The following CTDSPL variants were observed in gnomAD, a reference collection of about 807,000 sequenced individuals.
The protein encoded by CTDSPL is CTD small phosphatase like.
CTDSPL carries 8 observed loss-of-function variants against 30.5 expected under a neutral mutation model. The observed-to-expected ratio is 0.26, with a 90% CI of 0.15 to 0.47. The LOEUF (loss-of-function observed/expected upper bound fraction) is 0.47. CTDSPL is among the 20% of genes least tolerant of loss of function. The pLI, the probability that CTDSPL is intolerant of heterozygous loss-of-function variation, is 0.99. For missense variants in CTDSPL, 248 were observed against 366.1 expected, an observed-to-expected ratio of 0.68 and a Z score of 2.63; for synonymous variants, 110 against 137.9, an observed-to-expected ratio of 0.80 and a Z score of 1.42.
intron 2 of CTDSPL, among the ~76,000 whole-genome samples, chr3:37,953,607 A>G (rs1699135001): frequency 6.6e-6 from 1 of 152,240 alleles, no homozygotes; most frequent in African/African-American, 2.4e-5. Context: ...GATCAAGCAG[A>G]AAGCAAGAGT....
chr3:37,885,205 TG>T (rs2125593963), intron 1 of CTDSPL, among the ~76,000 whole-genome samples: 1 of 152,262 alleles, frequency 6.6e-6, no homozygotes, highest in South Asian at 2.1e-4. Context: ...AGTTGGAATA[TG>T]GGTATCCAAG....
chr3:37,918,777 A>G (rs940489189), intron 1 of CTDSPL, among the ~76,000 whole-genome samples: 7 of 152,142 alleles, frequency 4.6e-5, no homozygotes, highest in Non-Finnish European at 8.8e-5. Flanking sequence ...CTTGGAAACA[A>G]TTTGATTCCT....
chr3:37,954,094 A>T (rs1699140544), intron 2 of CTDSPL, among the ~76,000 whole-genome samples: 1 of 152,230 alleles, frequency 6.6e-6, no homozygotes, highest in South Asian at 2.1e-4. Context: ...AAAGAAAATA[A>T]GGAAGACAGC....
chr3:37,913,425 C>A (rs1391177995), intron 1 of CTDSPL, among the ~76,000 whole-genome samples: 1 of 152,196 alleles, frequency 6.6e-6, no homozygotes, highest in Non-Finnish European at 1.5e-5. Flanking sequence ...TGGCCATGAC[C>A]TCTATATTCA....
intron 6 of CTDSPL, among the ~76,000 whole-genome samples, chr3:37,974,152 C>A (rs571787944): frequency 2.7e-4 from 41 of 152,346 alleles, no homozygotes; most frequent in Admixed American, 1.9e-3. Context: ...AGATGGGATA[C>A]CCCTGATCTG....
Position 37,975,781 on chromosome 3 carries a change from G to GTTT in CTDSPL, c.595_597dup (p.Phe199dup). The GTTT allele has an allele frequency of 6.2e-7, 1 of 1,614,124 alleles. No homozygotes were observed. Among genetic ancestry groups the GTTT allele is most frequent in the East Asian group, 2.2e-5 (1 of 44,878 alleles). On this transcript the variant is annotated inframe_insertion, in exon 7 of 8. Coordinates refer to ENST00000273179, the MANE Select transcript of CTDSPL (RefSeq NM_001008392.2). The surrounding 1 kb of genome is among the most constrained non-coding windows in gnomAD (Gnocchi z 4.9). ...GGCCCGGCTCTTCAGAGAATCATGT[G>GTTT]TTTTTCATCGTGGGAACTACGTGAA... is the stretch of plus-strand genomic sequence containing the variant.
At chr3:37,952,905 G>A (rs1018682380) in intron 2 of CTDSPL, among the ~76,000 whole-genome samples, 2 of 152,170 alleles carry the variant, frequency 1.3e-5, no homozygotes, top group African/African-American at 4.8e-5. Flanking sequence ...TCTTTATAAT[G>A]GGTTGGCTGA....
At chr3:37,904,384 G>A (rs944232861) in intron 1 of CTDSPL, among the ~76,000 whole-genome samples, 6 of 152,148 alleles carry the variant, frequency 3.9e-5, no homozygotes, top group African/African-American at 1.4e-4. Flanking sequence ...CCCGCCCAGT[G>A]GATGGAAGAC....
rs573701186 is a variant in CTDSPL, at chr3:37,907,459, G to C, written c.80-39598G>C. On this transcript the variant is annotated intron_variant, in intron 1 of 7. Coordinates refer to ENST00000273179, the MANE Select transcript of CTDSPL (RefSeq NM_001008392.2). ...TAAGGAAAAAATTAAGAGACTTAAA[G>C]AACTTGAGTCTTGTTCATTTGACAC... Among the ~76,000 whole-genome samples, 3 of 152,274 alleles carry C rather than the reference G, an allele frequency of 2.0e-5. No homozygotes were observed. The South Asian group carries it at 6.2e-4, about 32-fold the overall frequency.
In CTDSPL at chr3:37,862,322, A is replaced by G. The variant is rs1697951529; in HGVS notation, c.79+44A>G. ...GGCCGCGGGCTGGGGGCGAGCGCAC[A>G]CCCCGCGCCGCTGGAGTTCACTGCC... On this transcript the variant is annotated intron_variant, in intron 1 of 7. Transcript: ENST00000273179. The surrounding 1 kb of genome is among the most constrained non-coding windows in gnomAD (Gnocchi z 4.3). 39 of 1,403,122 alleles carry G rather than the reference A, an allele frequency of 2.8e-5. No homozygotes were observed. Among genetic ancestry groups the G allele is most frequent in the Non-Finnish European group, 3.5e-5 (38 of 1,073,066 alleles). The allele number at this position is 1,403,122 out of a possible 1,614,324, so 86.9% of individuals were successfully genotyped here. A position where few individuals can be genotyped will look rare whatever the true frequency, so the allele number is the denominator to read the frequency against.
chr3:37,933,083 G>A (rs111998223), intron 1 of CTDSPL, among the ~76,000 whole-genome samples: 9,705 of 151,360 alleles, frequency 0.064, 410 homozygotes, highest in Middle Eastern at 0.13. Context: ...AACCTGGGAG[G>A]TGGAGGTTGT....
At chr3:37,976,991 G>T (rs1229390450) in intron 7 of CTDSPL, among the ~76,000 whole-genome samples, 1 of 152,026 alleles carries the variant, frequency 6.6e-6, no homozygotes, top group Non-Finnish European at 1.5e-5. Flanking sequence ...AGCCTGCAAA[G>T]TCCTTTCCTT....
chr3:37,881,981 A>C (rs1000883179), intron 1 of CTDSPL, among the ~76,000 whole-genome samples: 1 of 152,120 alleles, frequency 6.6e-6, no homozygotes, highest in Non-Finnish European at 1.5e-5. Context: ...TATAATTGTG[A>C]TATTTATTCT....
At chr3:37,928,546 C>T (rs1698812823) in intron 1 of CTDSPL, among the ~76,000 whole-genome samples, 1 of 152,150 alleles carries the variant, frequency 6.6e-6, no homozygotes, top group African/African-American at 2.4e-5. Flanking sequence ...AATATCTATG[C>T]CAGTCCTTTG....
chr3:37,895,080 A>G (rs1698375824), intron 1 of CTDSPL, among the ~76,000 whole-genome samples: 1 of 152,018 alleles, frequency 6.6e-6, no homozygotes, highest in Non-Finnish European at 1.5e-5. Context: ...GCATTTTCCT[A>G]TTTATTTGTA....
chr3:37,862,831 C>A lies in CTDSPL; in HGVS notation c.79+553C>A, dbSNP rs1336177614. ...AGCATGAGCCTGGAGAGGTTCTATGCCTGTTCACTCCTGACAGAGTTTGTG... is the reference window on the plus strand; with the variant it reads ...AGCATGAGCCTGGAGAGGTTCTATGACTGTTCACTCCTGACAGAGTTTGTG... On this transcript the variant is annotated intron_variant, in intron 1 of 7. Coordinates refer to ENST00000273179, the MANE Select transcript of CTDSPL (RefSeq NM_001008392.2). The surrounding 1 kb of genome is among the most constrained non-coding windows in gnomAD (Gnocchi z 4.3). 1.3e-5 allele frequency among the ~76,000 whole-genome samples: 2 copies of A among 152,082 alleles called. No homozygotes were observed. The highest frequency in any genetic ancestry group is 4.8e-5 in the African/African-American group (2 of 41,392).
At chr3:37,910,826 A>G (rs1212226704) in intron 1 of CTDSPL, among the ~76,000 whole-genome samples, 1 of 152,158 alleles carries the variant, frequency 6.6e-6, no homozygotes, top group Non-Finnish European at 1.5e-5. Context: ...GGTGGGTGCC[A>G]TGGGGTGATG....
chr3:37,912,552 G>A (rs1698595958), intron 1 of CTDSPL, among the ~76,000 whole-genome samples: 1 of 152,196 alleles, frequency 6.6e-6, no homozygotes. Flanking sequence ...GGCCAGCTGT[G>A]TGTTGGGGGG....
At chr3:37,931,341 G>T (rs115540237) in intron 1 of CTDSPL, among the ~76,000 whole-genome samples, 5 of 151,992 alleles carry the variant, frequency 3.3e-5, no homozygotes, top group Admixed American at 6.6e-5. Flanking sequence ...AAAAGATGGG[G>T]TCTCACTGTG....
Sources: allele counts gnomAD v4.1 joint callset (sites outside exome capture counted in the v4.1 genomes callset), GRCh38; gene constraint gnomAD v4.1.1; non-coding constraint Gnocchi (gnomAD v3.1); transcripts MANE v1.5; gene names NCBI Gene and HGNC (gene_info 2026-07-23, HGNC 2026-07-21).